TMEM44: variants seen among roughly 807,000 people sequenced by gnomAD.
The protein encoded by TMEM44 is transmembrane protein 44.
Under a neutral mutation model 47.8 loss-of-function variants are expected in TMEM44, and 43 were observed. The observed-to-expected ratio is 0.90, with a 90% CI of 0.70 to 1.16. TMEM44 has a LOEUF of 1.16. Ranked by LOEUF, TMEM44 falls within the 50% of genes most tolerant of loss-of-function variation. The pLI is 0.00. For missense variants in TMEM44, 568 were observed against 555.2 expected (o/e 1.02, Z -0.23); for synonymous variants, 277 against 238.8 (o/e 1.16, Z -1.48).
At chr3:194,588,703 C>T (rs1052818013) in intron 9 of TMEM44, 64 bp from the exon 10 acceptor site, 11 of 1,469,596 alleles carry the variant, frequency 7.5e-6, no homozygotes, top group African/African-American at 5.6e-5. Context: ...TCTGTCATAA[C>T]CCCTGACCCA....
At chr3:194,616,466 G>A in intron 6 of TMEM44, 1 of 417,998 alleles carries the variant, frequency 2.4e-6, no homozygotes. Context: ...AAGAAAAGGA[G>A]ACACACGAAG....
chr3:194,631,690 C>T (rs566193405), intron 1 of TMEM44, among the ~76,000 whole-genome samples: 64 of 152,294 alleles, frequency 4.2e-4, no homozygotes, highest in Non-Finnish European at 5.3e-4. Flanking sequence ...GCTTCACACG[C>T]GGGGGCTTTG....
intron 5 of TMEM44, among the ~76,000 whole-genome samples, chr3:194,621,717 A>G (rs1455758830): frequency 8.1e-6 from 1 of 123,372 alleles, no homozygotes; most frequent in Non-Finnish European, 1.8e-5. Context: ...CTGGGCAAGT[A>G]ATTTTTTTTT....
intron 9 of TMEM44, among the ~76,000 whole-genome samples, chr3:194,596,080 G>A (rs1713373241): frequency 1.3e-5 from 2 of 152,108 alleles, no homozygotes; most frequent in African/African-American, 4.8e-5. Flanking sequence ...GGGTGCATGG[G>A]GAAGGACCTG....
intron 8 of TMEM44, among the ~76,000 whole-genome samples, chr3:194,604,652 C>T (rs550753833): frequency 7.2e-5 from 11 of 152,246 alleles, no homozygotes; most frequent in Non-Finnish European, 1.0e-4. Flanking sequence ...ATACTCTATA[C>T]ACATACAACC....
rs1049817194 is a variant in TMEM44 at position 194,615,717 on chromosome 3, G to A, written c.784-20C>T. On this transcript the variant is annotated intron_variant, in intron 6 of 9. Coordinates refer to ENST00000347147, the MANE Select transcript of TMEM44 (RefSeq NM_001011655.3). Reference sequence around the variant, plus strand: ...AATAATCTGAGATGGTGTAAGTTAAGGTAGGAAGCAGAATATTCCAGCTGC... The same window carrying A: ...AATAATCTGAGATGGTGTAAGTTAAAGTAGGAAGCAGAATATTCCAGCTGC... The A allele has an allele frequency of 6.2e-7, 1 of 1,612,734 alleles. No homozygotes were observed. Among genetic ancestry groups the A allele is most frequent in the Non-Finnish European group, 8.5e-7 (1 of 1,179,198 alleles).
chr3:194,630,976 T>C (rs1384874442), intron 1 of TMEM44, among the ~76,000 whole-genome samples: 1 of 141,932 alleles, frequency 7.0e-6, no homozygotes, highest in Non-Finnish European at 1.5e-5. Flanking sequence ...GCATCACTGA[T>C]AGGGCCTCTG....
At chr3:194,592,440 C>T (rs897995937) in intron 9 of TMEM44, among the ~76,000 whole-genome samples, 1 of 152,158 alleles carries the variant, frequency 6.6e-6, no homozygotes, top group Non-Finnish European at 1.5e-5. Context: ...ATTGCAACAG[C>T]TACTGCAGCC....
intron 8 of TMEM44, among the ~76,000 whole-genome samples, chr3:194,605,269 C>G (rs1714653665): frequency 6.6e-6 from 1 of 152,250 alleles, no homozygotes; most frequent in Admixed American, 6.5e-5. Flanking sequence ...GCTCCACCAG[C>G]TGAACTTTTG....
chr3:194,594,235 C>T (rs1468430995), intron 9 of TMEM44, among the ~76,000 whole-genome samples: 1 of 151,856 alleles, frequency 6.6e-6, no homozygotes, highest in East Asian at 1.9e-4. Context: ...ACGATCTCGG[C>T]TCACTGCAAT....
chr3:194,623,865 C>G (rs1716857692), intron 3 of TMEM44, among the ~76,000 whole-genome samples, 170 bp from the exon 4 acceptor site: 1 of 152,208 alleles, frequency 6.6e-6, no homozygotes. Context: ...AGTTGTGCCA[C>G]CTCTTCAAGG....
chr3:194,605,911 T>G (rs1236832986), intron 8 of TMEM44, among the ~76,000 whole-genome samples: 1 of 136,686 alleles, frequency 7.3e-6, no homozygotes, highest in Non-Finnish European at 1.5e-5. Flanking sequence ...ATGGGTTAGG[T>G]GCACAAGCTC....
intron 7 of TMEM44, among the ~76,000 whole-genome samples, chr3:194,614,555 C>A (rs1286013240): frequency 1.3e-5 from 2 of 152,116 alleles, no homozygotes; most frequent in Non-Finnish European, 2.9e-5. Context: ...AGGCACACAC[C>A]ACCATACCCG....
At chr3:194,588,853 C>G (rs1409532344) in intron 9 of TMEM44, among the ~76,000 whole-genome samples, 1 of 152,140 alleles carries the variant, frequency 6.6e-6, no homozygotes, top group Non-Finnish European at 1.5e-5. Context: ...AACAACCACC[C>G]TAAACATAAC....
Position 194,603,852 on chromosome 3 carries a change from AT to A in TMEM44, c.1176+434del, listed in dbSNP as rs113208853. Among the ~76,000 whole-genome samples the A allele has an allele frequency of 3.4e-3, 504 of 147,220 alleles. 5 individuals carry two copies. Among genetic ancestry groups the A allele is most frequent in the African/African-American group, 0.012 (456 of 38,824 alleles). ...CAGGGTAGGGGCCCCACGGAAGTTCATTTTTTTTTTGTTTTTTTTGAGACGG... is the reference window on the plus strand; with the variant it reads ...CAGGGTAGGGGCCCCACGGAAGTTCATTTTTTTTTGTTTTTTTTGAGACGG... On this transcript the variant is annotated intron_variant, in intron 9 of 9. Coordinates refer to ENST00000347147, the MANE Select transcript of TMEM44 (RefSeq NM_001011655.3).
intron 1 of TMEM44, 96 bp from the exon 2 acceptor site, chr3:194,628,605 G>A (rs1034116963): frequency 1.4e-6 from 2 of 1,425,208 alleles, no homozygotes; most frequent in Admixed American, 2.5e-5. Flanking sequence ...GCATCGTCAG[G>A]GAGCTCTTTC....
intron 9 of TMEM44, chr3:194,592,916 C>A: frequency 8.1e-7 from 1 of 1,229,666 alleles, no homozygotes; most frequent in Non-Finnish European, 1.2e-6. Flanking sequence ...CCTGGCCTGA[C>A]ATTCTTTTTT....
intron 8 of TMEM44, among the ~76,000 whole-genome samples, chr3:194,606,065 A>T (rs1294907350): frequency 6.6e-6 from 1 of 152,212 alleles, no homozygotes; most frequent in East Asian, 1.9e-4. Context: ...GGAGTGGGGA[A>T]GCAGATGCCT....
chr3:194,603,230 G>C (rs193243688), intron 9 of TMEM44, among the ~76,000 whole-genome samples: 230 of 152,330 alleles, frequency 1.5e-3, no homozygotes, highest in East Asian at 7.9e-3. Context: ...TGTGACGTGT[G>C]TTTTATTCAC....
Sources: allele counts gnomAD v4.1 joint callset (sites outside exome capture counted in the v4.1 genomes callset), GRCh38; gene constraint gnomAD v4.1.1; transcripts MANE v1.5; gene names NCBI Gene and HGNC (gene_info 2026-07-23, HGNC 2026-07-21).